Variants in ACAP2 observed in about 807,000 individuals in gnomAD.
ACAP2 encodes ArfGAP with coiled-coil, ankyrin repeat and PH domains 2.
Under a neutral mutation model 115.8 loss-of-function variants are expected in ACAP2, and 39 were observed. The observed-to-expected ratio is 0.34, with a 90% CI of 0.26 to 0.44. ACAP2 has a LOEUF of 0.44. Among genes scored for constraint, ACAP2 ranks in the 20% least tolerant of loss-of-function variants. The pLI is 1.00. For missense variants in ACAP2, 662 were observed against 927.6 expected (o/e 0.71, Z 3.72); for synonymous variants, 289 against 315.8 (o/e 0.92, Z 0.90).
At chr3:195,331,437 C>T (rs939675544) in intron 8 of ACAP2, among the ~76,000 whole-genome samples, 3 of 151,928 alleles carry the variant, frequency 2.0e-5, no homozygotes, top group Non-Finnish European at 2.9e-5. Context: ...CTCAGCCTCC[C>T]GAGTAGCTGG....
chr3:195,433,087 C>A (rs1373964583), intron 1 of ACAP2, among the ~76,000 whole-genome samples: 1 of 152,182 alleles, frequency 6.6e-6, no homozygotes, highest in East Asian at 1.9e-4. Context: ...TTCCAGGACT[C>A]CCCCTGCCCA....
In ACAP2 at chr3:195,333,077, T is replaced by A. The variant is rs1272441198; in HGVS notation, c.620A>T (p.Tyr207Phe). The A allele has an allele frequency of 1.2e-6, 2 of 1,610,286 alleles. No homozygotes were observed. The highest frequency in any genetic ancestry group is 1.7e-5 in the Admixed American group (1 of 59,576). ...GGGTCCAAGTTCACTAAACAGATCATATCCTTGATGAAAGAAGGCCAAATG... is the reference window on the plus strand; with the variant it reads ...GGGTCCAAGTTCACTAAACAGATCAAATCCTTGATGAAAGAAGGCCAAATG... ...YAHLAFFHQG[Y>F]DLFSELGPYM... Residue 207 changes from tyrosine to phenylalanine, a missense_variant, in exon 8 of 23, where the codon TAT (tyrosine) becomes TTT (phenylalanine). By Grantham distance (22) the Tyr-to-Phe change is conservative (BLOSUM62 3). Coordinates refer to ENST00000326793, the MANE Select transcript of ACAP2 (RefSeq NM_012287.6).
At chr3:195,311,442 A>C (rs1728763274) in intron 10 of ACAP2, among the ~76,000 whole-genome samples, 1 of 152,062 alleles carries the variant, frequency 6.6e-6, no homozygotes, top group South Asian at 2.1e-4. Context: ...TAAGACTTAA[A>C]AACAGCTCAT....
At chr3:195,342,831 T>C (rs1730965417) in intron 5 of ACAP2, 177 bp from the exon 6 acceptor site, 3 of 443,286 alleles carry the variant, frequency 6.8e-6, no homozygotes, top group East Asian at 4.5e-5. Flanking sequence ...CCATCTCTAC[T>C]AAAAATACAA....
intron 5 of ACAP2, among the ~76,000 whole-genome samples, chr3:195,342,866 T>C (rs954255465): frequency 2.6e-5 from 4 of 151,968 alleles, no homozygotes; most frequent in African/African-American, 9.7e-5. Context: ...CATGGTGGCA[T>C]GTGCCTGTAG....
intron 2 of ACAP2, among the ~76,000 whole-genome samples, chr3:195,383,582 T>G (rs1402091289): frequency 1.3e-5 from 2 of 151,604 alleles, no homozygotes; most frequent in Non-Finnish European, 2.9e-5. Context: ...GTTTTTTTTT[T>G]CAATAATCTC....
intron 1 of ACAP2, among the ~76,000 whole-genome samples, chr3:195,425,010 G>A (rs1292261095): frequency 1.4e-4 from 15 of 107,048 alleles, no homozygotes; most frequent in Non-Finnish European, 2.1e-4. Context: ...CTGGGCGACA[G>A]AGCGAGACTC....
At chr3:195,429,365 CA>C in intron 1 of ACAP2, among the ~76,000 whole-genome samples, 1 of 111,556 alleles carries the variant, frequency 9.0e-6, no homozygotes, top group East Asian at 3.1e-4. Context: ...GGCAAAAGAG[CA>C]AGACTCCATC....
chr3:195,308,023 T>C (rs2108987996), intron 11 of ACAP2, among the ~76,000 whole-genome samples: 1 of 152,272 alleles, frequency 6.6e-6, no homozygotes, highest in Non-Finnish European at 1.5e-5. Flanking sequence ...TATTCTTTTG[T>C]TTCTAGTTAT....
chr3:195,341,855 C>CCTA (rs1730899455), intron 6 of ACAP2, among the ~76,000 whole-genome samples: 1 of 152,124 alleles, frequency 6.6e-6, no homozygotes, highest in African/African-American at 2.4e-5. Context: ...TTAGAAGGAA[C>CCTA]TAGGGGCCCT....
chr3:195,393,854 T>C (rs926022766), intron 1 of ACAP2, among the ~76,000 whole-genome samples: 3 of 131,606 alleles, frequency 2.3e-5, no homozygotes, highest in Non-Finnish European at 4.7e-5. Context: ...TCTACTGATA[T>C]GGAAATCTGC....
chr3:195,392,002 T>TA, intron 2 of ACAP2, 88 bp downstream of exon 2: 1 of 1,101,818 alleles, frequency 9.1e-7, no homozygotes, highest in Non-Finnish European at 1.3e-6. Context: ...CTCCAAAAAA[T>TA]AAAAAAGAGA....
chr3:195,391,188 G>A (rs916609532), intron 2 of ACAP2, among the ~76,000 whole-genome samples: 1 of 150,738 alleles, frequency 6.6e-6, no homozygotes, highest in Admixed American at 6.6e-5. Context: ...AAAGAAAGAT[G>A]CAATCTTTTT....
At position 195,329,263 on chromosome 3, in the gene ACAP2, T is replaced by C. The variant is rs149102072; in HGVS notation, c.670-2304A>G. Among the ~76,000 whole-genome samples the C allele has an allele frequency of 2.1e-3, 315 of 152,276 alleles. 1 individual carries two copies. The highest frequency in any genetic ancestry group is 7.0e-3 in the African/African-American group (290 of 41,548). On this transcript the variant is annotated intron_variant, in intron 8 of 22. Coordinates refer to ENST00000326793, the MANE Select transcript of ACAP2 (RefSeq NM_012287.6). The stretch of plus-strand genomic sequence containing the variant: ...TGAAGACTGGCAGAGTCTTATCTTC[T>C]AGACATGGGGAAATGTATCAGGAAG...
chr3:195,426,377 G>A (rs1284132027), intron 1 of ACAP2, among the ~76,000 whole-genome samples: 2 of 152,024 alleles, frequency 1.3e-5, no homozygotes, highest in South Asian at 2.1e-4. Flanking sequence ...ATGAGTATTC[G>A]TGCCAAAAAA....
intron 8 of ACAP2, among the ~76,000 whole-genome samples, chr3:195,332,760 C>T (rs1162023524): frequency 1.3e-5 from 2 of 152,148 alleles, no homozygotes; most frequent in African/African-American, 2.4e-5. Context: ...GGTAGTTTCT[C>T]CTGCGTTCAT....
At chr3:195,318,748 C>T (rs1199246982) in intron 10 of ACAP2, among the ~76,000 whole-genome samples, 1 of 152,100 alleles carries the variant, frequency 6.6e-6, no homozygotes, top group Non-Finnish European at 1.5e-5. Context: ...GGAAGCAGAG[C>T]ATAACAGTTT....
intron 4 of ACAP2, among the ~76,000 whole-genome samples, chr3:195,369,818 T>A (rs1732997037): frequency 6.6e-6 from 1 of 152,182 alleles, no homozygotes; most frequent in African/African-American, 2.4e-5. Context: ...CTTTTCGGTC[T>A]TTGAGAAATC....
chr3:195,395,001 A>G (rs936321990), intron 1 of ACAP2, among the ~76,000 whole-genome samples: 1 of 151,154 alleles, frequency 6.6e-6, no homozygotes, highest in African/African-American at 2.5e-5. Context: ...CATGACACAA[A>G]GAACAAAATC....
Sources: allele counts gnomAD v4.1 joint callset (sites outside exome capture counted in the v4.1 genomes callset), GRCh38; gene constraint gnomAD v4.1.1; transcripts MANE v1.5; gene names NCBI Gene and HGNC (gene_info 2026-07-23, HGNC 2026-07-21).